Variants in AKR1C8 observed in about 807,000 individuals in gnomAD.
AKR1C8 encodes the protein aldo-keto reductase family 1 member C8.
At chr10:5,152,391 T>C in the AKR1C8 span, among the ~76,000 whole-genome samples, 1 of 152,206 alleles carries the variant, frequency 6.6e-6, no homozygotes, top group South Asian at 2.1e-4. Context: ...AACTGATCTA[T>C]GTGGCTCAGA....
the AKR1C8 span, chr10:5,157,625 C>T: frequency 2.1e-5 from 10 of 470,130 alleles, no homozygotes; most frequent in South Asian, 1.6e-4. Flanking sequence ...CGACTCTGCT[C>T]AACCTTTACC....
At chr10:5,171,089 G>A in the AKR1C8 span, among the ~76,000 whole-genome samples, 4 of 152,194 alleles carry the variant, frequency 2.6e-5, no homozygotes, top group South Asian at 8.3e-4. Flanking sequence ...GCTAATTCCT[G>A]TCCTGTTTGA....
chr10:5,132,419 A>T, the AKR1C8 span, among the ~76,000 whole-genome samples: 1 of 152,236 alleles, frequency 6.6e-6, no homozygotes. Flanking sequence ...ATTTGAACAC[A>T]ACAATGATGA....
At chr10:5,159,628 C>G in the AKR1C8 span, among the ~76,000 whole-genome samples, 1 of 152,130 alleles carries the variant, frequency 6.6e-6, no homozygotes, top group Admixed American at 6.5e-5. Context: ...TGGACCATCC[C>G]GAGCTCCAGA....
chr10:5,172,561 T>C, the AKR1C8 span, among the ~76,000 whole-genome samples: 1 of 152,084 alleles, frequency 6.6e-6, no homozygotes, highest in East Asian at 1.9e-4. Flanking sequence ...GCAAAGATTA[T>C]TTTGTTTGGG....
the AKR1C8 span, among the ~76,000 whole-genome samples, chr10:5,129,453 C>A: frequency 1.8e-4 from 27 of 151,682 alleles, no homozygotes; most frequent in Non-Finnish European, 3.5e-4. Flanking sequence ...TGAAACAAAA[C>A]ACCCCCACAA....
the AKR1C8 span, among the ~76,000 whole-genome samples, chr10:5,129,602 C>T: frequency 6.6e-6 from 1 of 151,898 alleles, no homozygotes; most frequent in African/African-American, 2.4e-5. Context: ...CAAATGATAT[C>T]ACAGAAATAC....
At chr10:5,178,805 CT>C in the AKR1C8 span, among the ~76,000 whole-genome samples, 81,840 of 151,264 alleles carry the variant, frequency 0.54, 22,979 homozygotes, top group Non-Finnish European at 0.6. Context: ...CAACCCCTGC[CT>C]TTTTTTTTGT....
At chr10:5,149,406 C>T in the AKR1C8 span, among the ~76,000 whole-genome samples, 1 of 152,068 alleles carries the variant, frequency 6.6e-6, no homozygotes, top group Non-Finnish European at 1.5e-5. Flanking sequence ...TCAATAGGCT[C>T]TTTATAAATT....
At chr10:5,179,113 G>A in the AKR1C8 span, among the ~76,000 whole-genome samples, 1 of 152,114 alleles carries the variant, frequency 6.6e-6, no homozygotes, top group African/African-American at 2.4e-5. Context: ...GCAGTGGCTG[G>A]TACTGGTTGT....
At chr10:5,139,811 T>C in the AKR1C8 span, among the ~76,000 whole-genome samples, 3 of 151,972 alleles carry the variant, frequency 2.0e-5, no homozygotes, top group Non-Finnish European at 4.4e-5. Flanking sequence ...GGGATCTAGT[T>C]AAAGAGCTTC....
At chr10:5,176,494 G>GT in the AKR1C8 span, among the ~76,000 whole-genome samples, 5 of 150,508 alleles carry the variant, frequency 3.3e-5, no homozygotes, top group East Asian at 9.6e-4. Context: ...CTTTAAAGTA[G>GT]TTTTTTCCAA....
At chr10:5,121,867 C>A in the AKR1C8 span, among the ~76,000 whole-genome samples, 1 of 152,078 alleles carries the variant, frequency 6.6e-6, no homozygotes, top group African/African-American at 2.4e-5. Flanking sequence ...AAGTGATTCA[C>A]AATGGTGCAG....
chr10:5,146,296 A>G, the AKR1C8 span, among the ~76,000 whole-genome samples: 1 of 152,014 alleles, frequency 6.6e-6, no homozygotes, highest in African/African-American at 2.4e-5. Context: ...ATGTATACGT[A>G]TGTAACTAAC....
At chr10:5,130,764 A>G in the AKR1C8 span, among the ~76,000 whole-genome samples, 2 of 151,970 alleles carry the variant, frequency 1.3e-5, no homozygotes, top group South Asian at 2.1e-4. Context: ...AAACACTGCT[A>G]AAAGAAATGA....
the AKR1C8 span, among the ~76,000 whole-genome samples, chr10:5,129,212 A>G: frequency 6.6e-6 from 1 of 152,068 alleles, no homozygotes; most frequent in African/African-American, 2.4e-5. Flanking sequence ...AATGGCAATT[A>G]AGTAATTTTT....
the AKR1C8 span, among the ~76,000 whole-genome samples, chr10:5,184,700 G>A: frequency 2.3e-3 from 346 of 152,250 alleles, 1 homozygote; most frequent in African/African-American, 7.7e-3. Context: ...ATAAGATAAT[G>A]CATGTAAAAC....
chr10:5,140,098 T>C, the AKR1C8 span, among the ~76,000 whole-genome samples: 1 of 152,164 alleles, frequency 6.6e-6, no homozygotes, highest in South Asian at 2.1e-4. Context: ...CACAATGAGA[T>C]ACCATCTCAC....
the AKR1C8 span, among the ~76,000 whole-genome samples, chr10:5,139,630 T>C: frequency 6.6e-6 from 1 of 151,954 alleles, no homozygotes; most frequent in African/African-American, 2.4e-5. Flanking sequence ...CCCTTCCTTA[T>C]ATCTTGTACA....
Sources: gnomAD v4.1 joint callset for allele counts (sites outside exome capture counted in the v4.1 genomes callset) on GRCh38, gnomAD v4.1.1 for gene constraint, MANE v1.5 for transcripts, NCBI Gene and HGNC (gene_info 2026-07-23, HGNC 2026-07-21) for gene names.